The following NAPEPLD variants were observed in gnomAD, a reference collection of about 807,000 sequenced individuals.
NAPEPLD encodes the protein N-acyl-phosphatidylethanolamine-hydrolyzing phospholipase D.
A neutral mutation model predicts 38.1 loss-of-function variants in NAPEPLD; 23 were observed. The ratio of observed to expected loss-of-function variants is 0.60; its 90% CI spans 0.43 to 0.86. NAPEPLD has a LOEUF of 0.86. NAPEPLD is among the 40% of genes least tolerant of loss of function. The pLI is 0.00. For missense variants in NAPEPLD, 411 were observed against 476.8 expected (o/e 0.86, Z 1.28); for synonymous variants, 147 against 162.0 (o/e 0.91, Z 0.71).
At chr7:103,106,011 G>C (rs1382547746) in intron 4 of NAPEPLD, among the ~76,000 whole-genome samples, 1 of 151,636 alleles carries the variant, frequency 6.6e-6, no homozygotes, top group African/African-American at 2.4e-5. Context: ...TACACAGAAG[G>C]TGGGTGATTT....
rs1042405620 is a variant in NAPEPLD at position 103,100,956 on chromosome 7, G to C, written c.*2473C>G. The C allele has an allele frequency of 6.6e-6, 1 of 152,176 alleles. No individual in the cohort carries two copies. Among genetic ancestry groups the C allele is most frequent in the Non-Finnish European group, 1.5e-5 (1 of 68,042 alleles). The allele number at this position is 152,176 out of a possible 1,614,324, so 9.4% of individuals were successfully genotyped here. On this transcript the variant is annotated 3_prime_UTR_variant, in exon 5 of 5. Transcript: ENST00000465647. ...TAGAAAAATGAGGCAGGCCAGACGA[G>C]TGGAAATAGAACACAACAGTTTAAA...
At chr7:103,117,471 C>G (rs1000568162) in intron 3 of NAPEPLD, among the ~76,000 whole-genome samples, 3 of 152,084 alleles carry the variant, frequency 2.0e-5, no homozygotes, top group Non-Finnish European at 2.9e-5. Context: ...AAAATAAAAA[C>G]TTAAAATCTT....
At chr7:103,119,336 T>C (rs770655636) in intron 3 of NAPEPLD, among the ~76,000 whole-genome samples, 35 of 152,188 alleles carry the variant, frequency 2.3e-4, no homozygotes, top group South Asian at 4.1e-4. Flanking sequence ...TGCATACATA[T>C]ATCAAAACAT....
intron 2 of NAPEPLD, among the ~76,000 whole-genome samples, chr7:103,126,062 C>CT (rs1307964055): frequency 1.3e-5 from 2 of 152,026 alleles, no homozygotes; most frequent in Non-Finnish European, 2.9e-5. Flanking sequence ...ACAAAAACCA[C>CT]TGGGAGGCTG....
At position 103,103,341 on chromosome 7, in the gene NAPEPLD, C is replaced by G. The variant is rs1802661637; in HGVS notation, c.*88G>C. 1 of 1,383,830 alleles carries G rather than the reference C, an allele frequency of 7.2e-7. No individual in the cohort carries two copies. Among genetic ancestry groups the G allele is most frequent in the Non-Finnish European group, 9.7e-7 (1 of 1,031,882 alleles). 85.7% of individuals were successfully genotyped at this position (1,383,830 alleles called of 1,614,324 possible). ...AAGTTGTTTCCAAATGTAAAATAAT[C>G]ACAATATTCATGAATTTCTAAGTCT... On this transcript the variant is annotated 3_prime_UTR_variant, in exon 5 of 5. Coordinates refer to ENST00000465647, the MANE Select transcript of NAPEPLD (RefSeq NM_001122838.3).
Position 103,107,174 on chromosome 7 carries a change from AAACT to A in NAPEPLD, c.1057-3624_1057-3621del, listed in dbSNP as rs200169600. Among the ~76,000 whole-genome samples, 800 of 152,338 alleles carry A rather than the reference AAACT, an allele frequency of 5.3e-3. 4 individuals are homozygous for A. Among genetic ancestry groups the A allele is most frequent in the African/African-American group, 0.018 (753 of 41,574 alleles). On this transcript the variant is annotated intron_variant, in intron 4 of 4. Coordinates refer to ENST00000465647, the MANE Select transcript of NAPEPLD (RefSeq NM_001122838.3). ...GCAGCAGAGGGGCCTGTAAGAAGGAAAACTAACTAACAGAAAGGAATAGTATCAG... is the reference window on the plus strand; with the variant it reads ...GCAGCAGAGGGGCCTGTAAGAAGGAAAACTAACAGAAAGGAATAGTATCAG...
intron 3 of NAPEPLD, among the ~76,000 whole-genome samples, chr7:103,115,655 G>A (rs932992733): frequency 1.3e-5 from 2 of 152,128 alleles, no homozygotes; most frequent in African/African-American, 4.8e-5. Context: ...CCTCACAAAC[G>A]AAATATAATT....
chr7:103,140,615 A>C (rs555389177), intron 1 of NAPEPLD, among the ~76,000 whole-genome samples: 19 of 151,914 alleles, frequency 1.3e-4, no homozygotes, highest in East Asian at 3.9e-4. Flanking sequence ...GGACGGTCTC[A>C]ATCTCCTGAC....
At chr7:103,125,849 T>C (rs1218015771) in intron 2 of NAPEPLD, among the ~76,000 whole-genome samples, 4 of 151,638 alleles carry the variant, frequency 2.6e-5, no homozygotes, top group African/African-American at 9.7e-5. Context: ...ATGGCGCCAG[T>C]GCACTCCAGC....
chr7:103,111,837 G>C (rs1305567954), intron 4 of NAPEPLD, among the ~76,000 whole-genome samples: 3 of 151,958 alleles, frequency 2.0e-5, no homozygotes, highest in African/African-American at 7.2e-5. Flanking sequence ...CAGAATGGGA[G>C]AAAATTTTTG....
chr7:103,129,293 A>G (rs1309364302), intron 1 of NAPEPLD: 33 of 984,038 alleles, frequency 3.4e-5, no homozygotes, highest in East Asian at 1.1e-4. Flanking sequence ...ACCTATTAAC[A>G]TAACTGCCAA....
At chr7:103,147,512 G>C (rs1812803729) in intron 1 of NAPEPLD, among the ~76,000 whole-genome samples, 1 of 152,076 alleles carries the variant, frequency 6.6e-6, no homozygotes. Context: ...CAAAATTAAA[G>C]GCAAATACTG....
chr7:103,123,187 T>G (rs1177590863), intron 2 of NAPEPLD, among the ~76,000 whole-genome samples: 2 of 152,214 alleles, frequency 1.3e-5, no homozygotes, highest in African/African-American at 4.8e-5. Context: ...TACTCCTGCC[T>G]CTCAACTTCC....
chr7:103,111,176 C>T (rs1804456357), intron 4 of NAPEPLD, among the ~76,000 whole-genome samples: 1 of 152,176 alleles, frequency 6.6e-6, no homozygotes, highest in African/African-American at 2.4e-5. Context: ...TGAAAATGCT[C>T]ATACTGCCCA....
At chr7:103,117,522 A>G (rs761934912) in intron 3 of NAPEPLD, among the ~76,000 whole-genome samples, 10 of 152,252 alleles carry the variant, frequency 6.6e-5, no homozygotes, top group Admixed American at 2.0e-4. Flanking sequence ...GAGATTCCCT[A>G]AAGTAAGAAT....
chr7:103,149,476 C>T (rs1367049565), upstream of NAPEPLD: 9 of 1,264,704 alleles, frequency 7.1e-6, no homozygotes, highest in East Asian at 2.9e-4. Flanking sequence ...CTCGCCGCCT[C>T]GCCATCGTTG....
At chr7:103,143,090 A>AAC (rs1450155135) in intron 1 of NAPEPLD, among the ~76,000 whole-genome samples, 6 of 151,730 alleles carry the variant, frequency 4.0e-5, no homozygotes, top group African/African-American at 1.5e-4. Context: ...CAAAAAAACA[A>AAC]ACACACACAC....
At chr7:103,104,253 G>A (rs1196712430) in intron 4 of NAPEPLD, among the ~76,000 whole-genome samples, 1 of 152,216 alleles carries the variant, frequency 6.6e-6, no homozygotes, top group African/African-American at 2.4e-5. Flanking sequence ...GAAGGAGACA[G>A]TTGGATATAT....
At chr7:103,111,641 T>A (rs1266074664) in intron 4 of NAPEPLD, among the ~76,000 whole-genome samples, 1 of 152,128 alleles carries the variant, frequency 6.6e-6, no homozygotes, top group Admixed American at 6.5e-5. Flanking sequence ...ACATAAGACC[T>A]AAAACCATAA....
Sources: gnomAD v4.1 joint callset for allele counts (sites outside exome capture counted in the v4.1 genomes callset) on GRCh38, gnomAD v4.1.1 for gene constraint, MANE v1.5 for transcripts, NCBI Gene and HGNC (gene_info 2026-07-23, HGNC 2026-07-21) for gene names.